E2F3: variants seen among roughly 807,000 people sequenced by gnomAD.
E2F3 encodes the protein transcription factor E2F3.
E2F3 carries 11 observed loss-of-function variants against 44.4 expected under a neutral mutation model. The ratio of observed to expected loss-of-function variants is 0.25; its 90% confidence interval spans 0.16 to 0.41. E2F3 has a LOEUF of 0.41. E2F3 is among the 10% of genes least tolerant of loss of function. The pLI is 1.00. For missense variants in E2F3, 487 were observed against 583.6 expected (o/e 0.83, Z 1.70); for synonymous variants, 249 against 253.0 (o/e 0.98, Z 0.15).
At chr6:20,485,422 T>TA (rs1762360675) in intron 4 of E2F3, among the ~76,000 whole-genome samples, 2 of 151,604 alleles carry the variant, frequency 1.3e-5, no homozygotes, top group African/African-American at 2.4e-5. Context: ...CTACTAAAAA[T>TA]AAAAAAAATT....
chr6:20,447,237 G>T (rs917561373), intron 1 of E2F3, among the ~76,000 whole-genome samples: 1 of 152,104 alleles, frequency 6.6e-6, no homozygotes, highest in East Asian at 1.9e-4. Flanking sequence ...ACAGATGTTG[G>T]GGGGAAGGGC....
intron 1 of E2F3, among the ~76,000 whole-genome samples, chr6:20,416,100 G>A (rs1759836528): frequency 6.6e-6 from 1 of 152,164 alleles, no homozygotes; most frequent in Non-Finnish European, 1.5e-5. Context: ...ATGCAATAAT[G>A]CCTGTAAAGT....
intron 1 of E2F3, among the ~76,000 whole-genome samples, chr6:20,443,509 G>A (rs1760840857): frequency 6.6e-6 from 1 of 152,150 alleles, no homozygotes; most frequent in African/African-American, 2.4e-5. Flanking sequence ...GGAAGCTGAG[G>A]TGGGCTGATT....
rs73731188 is a variant in E2F3 at position 20,414,008 on chromosome 6, A to G, written c.393+11383A>G. 8.8e-3 allele frequency among the ~76,000 whole-genome samples: 1,346 copies of G among 152,204 alleles called. 19 individuals are homozygous for G. Among genetic ancestry groups the G allele is most frequent in the African/African-American group, 0.031 (1,276 of 41,532 alleles). On this transcript the variant is annotated intron_variant, in intron 1 of 6. Coordinates refer to ENST00000346618, the MANE Select transcript of E2F3 (RefSeq NM_001949.5). ...TGGAAGGCATGATTAGTCAGAATGG[A>G]TGGGGTGGTTGTGAGTGACTCCATG...
At chr6:20,476,648 C>A (rs890938683) in intron 1 of E2F3, among the ~76,000 whole-genome samples, 1 of 152,222 alleles carries the variant, frequency 6.6e-6, no homozygotes, top group African/African-American at 2.4e-5. Context: ...AGCCTTTGCT[C>A]CTCCAGCCTT....
intron 1 of E2F3, among the ~76,000 whole-genome samples, chr6:20,464,875 T>G (rs1325891679): frequency 2.0e-5 from 3 of 152,224 alleles, no homozygotes; most frequent in Non-Finnish European, 4.4e-5. Context: ...CAGGTTTCGG[T>G]CGTACAATTC....
chr6:20,408,811 C>T (rs974908214), intron 1 of E2F3, among the ~76,000 whole-genome samples: 9 of 152,150 alleles, frequency 5.9e-5, no homozygotes, highest in Non-Finnish European at 8.8e-5. Flanking sequence ...TTTCCATTAC[C>T]GTAGCCCAAC....
At chr6:20,407,987 T>C (rs1407521382) in intron 1 of E2F3, among the ~76,000 whole-genome samples, 1 of 152,242 alleles carries the variant, frequency 6.6e-6, no homozygotes, top group Non-Finnish European at 1.5e-5. Flanking sequence ...CAATTTTGTT[T>C]TTTAAAAAGG....
chr6:20,416,678 C>T (rs537188020), intron 1 of E2F3, among the ~76,000 whole-genome samples: 1 of 152,162 alleles, frequency 6.6e-6, no homozygotes, highest in South Asian at 2.1e-4. Flanking sequence ...AACGTCATTC[C>T]AATGCACCAA....
At position 20,481,870 on chromosome 6, in the gene E2F3, A is replaced by G. The variant is rs536285346; in HGVS notation, c.725+445A>G. Reference sequence around the variant, plus strand: ...GCATAGTTACAGAATATCTTTATCCATGGTTCTAATAGCAGATTAACTCAC... The same window carrying G: ...GCATAGTTACAGAATATCTTTATCCGTGGTTCTAATAGCAGATTAACTCAC... On this transcript the variant is annotated intron_variant, in intron 3 of 6. Transcript: ENST00000346618. Among the ~76,000 whole-genome samples, 59 of 152,212 alleles carry G rather than the reference A, an allele frequency of 3.9e-4. 1 individual carries two copies. Among genetic ancestry groups the G allele is most frequent in the South Asian group, 1.4e-3 (7 of 4,830 alleles).
chr6:20,405,695 C>T (rs1389776252), intron 1 of E2F3, among the ~76,000 whole-genome samples: 7 of 151,676 alleles, frequency 4.6e-5, no homozygotes, highest in South Asian at 2.1e-4. Context: ...TGGTGGTGCG[C>T]GCCTGTAATC....
intron 1 of E2F3, among the ~76,000 whole-genome samples, chr6:20,425,623 AG>A (rs1760190719): frequency 6.6e-6 from 1 of 152,152 alleles, no homozygotes; most frequent in African/African-American, 2.4e-5. Context: ...TCCTGACCCT[AG>A]GTGATCTGCC....
rs963625228 is a variant in E2F3 at position 20,490,095 on chromosome 6, T to G, written c.1136-73T>G. ...TACATGCTTTTTTCTAACAGCAACA[T>G]ATACATTCTTCCAGAAAAATTCATT... On this transcript the variant is annotated intron_variant, in intron 6 of 6. Transcript: ENST00000346618. This position sits in a 1 kb window ranked among gnomAD's most constrained non-coding sequence, Gnocchi z 4.3. 7.5e-6 allele frequency: 11 copies of G among 1,474,136 alleles called. No individual in the cohort carries two copies. Among genetic ancestry groups the G allele is most frequent in the Non-Finnish European group, 1.0e-5 (11 of 1,095,932 alleles). The allele number at this position is 1,474,136 out of a possible 1,614,324, so 91.3% of individuals were successfully genotyped here.
At chr6:20,474,111 T>TGA (rs568273661) in intron 1 of E2F3, among the ~76,000 whole-genome samples, 1 of 151,890 alleles carries the variant, frequency 6.6e-6, no homozygotes, top group African/African-American at 2.4e-5. Context: ...TTTTTCGTTT[T>TGA]GAGAGAGAGA....
chr6:20,422,535 T>A (rs972870978), intron 1 of E2F3, among the ~76,000 whole-genome samples: 8 of 152,244 alleles, frequency 5.3e-5, no homozygotes, highest in African/African-American at 1.9e-4. Flanking sequence ...TTTGCCTATT[T>A]CAGGTTTTGA....
chr6:20,417,588 TAAA>T (rs11344554), intron 1 of E2F3, among the ~76,000 whole-genome samples: 13 of 139,168 alleles, frequency 9.3e-5, no homozygotes, highest in South Asian at 7.0e-4. Flanking sequence ...ATAATGGATT[TAAA>T]AAAAAAAAAA....
chr6:20,416,846 C>A (rs1759863894), intron 1 of E2F3, among the ~76,000 whole-genome samples: 1 of 152,212 alleles, frequency 6.6e-6, no homozygotes, highest in South Asian at 2.1e-4. Context: ...TTAGGTACAC[C>A]AAGACACTTA....
chr6:20,402,767 G>A lies in E2F3; in HGVS notation c.393+142G>A, dbSNP rs1012373846. ...CTCGGGGGCTGCCCCTCCAACGAGG[G>A]TTCATTGTTAGACCTGAGTGCTCTT... On this transcript the variant is annotated intron_variant, in intron 1 of 6. Coordinates refer to ENST00000346618, the MANE Select transcript of E2F3 (RefSeq NM_001949.5). The surrounding 1 kb of genome is among the most constrained non-coding windows in gnomAD (Gnocchi z 5.6). The A allele has an allele frequency of 1.1e-4, 136 of 1,245,186 alleles. No homozygotes were observed. The African/African-American group carries it at 1.9e-3, about 17-fold the overall frequency. The allele number at this position is 1,245,186 out of a possible 1,614,324, so 77.1% of individuals were successfully genotyped here.
intron 1 of E2F3, among the ~76,000 whole-genome samples, chr6:20,466,193 A>G (rs1761705321): frequency 6.6e-6 from 1 of 152,010 alleles, no homozygotes; most frequent in Non-Finnish European, 1.5e-5. Flanking sequence ...GCTCACTGCA[A>G]TCTCCACCTC....
Sources: gnomAD v4.1 joint callset for allele counts (sites outside exome capture counted in the v4.1 genomes callset) on GRCh38, gnomAD v4.1.1 for gene constraint, Gnocchi (gnomAD v3.1) non-coding constraint, MANE v1.5 for transcripts, NCBI Gene and HGNC (gene_info 2026-07-23, HGNC 2026-07-21) for gene names.